Variants in ADAMTS3 observed in about 807,000 individuals in gnomAD.
ADAMTS3 encodes the protein A disintegrin and metalloproteinase with thrombospondin motifs 3.
Under a neutral mutation model 129.0 loss-of-function variants are expected in ADAMTS3, and 73 were observed. The observed-to-expected ratio is 0.57, with a 90% CI of 0.47 to 0.69. The LOEUF is 0.69. Ranked by LOEUF, ADAMTS3 falls within the 30% of genes least tolerant of loss-of-function variation. The pLI, the probability that ADAMTS3 is intolerant of heterozygous loss-of-function variation, is 0.00. For missense variants in ADAMTS3, 1,457 were observed against 1,514.5 expected (o/e 0.96, Z 0.63); for synonymous variants, 477 against 510.8 (o/e 0.93, Z 0.89).
At chr4:72,320,565 T>C in intron 7 of ADAMTS3, 149 bp downstream of exon 7, 1 of 781,772 alleles carries the variant, frequency 1.3e-6, no homozygotes, top group Non-Finnish European at 2.0e-6. Context: ...CATAAGTCAC[T>C]GTAAGCAAAA....
At chr4:72,348,351 T>G (rs530566223) in intron 4 of ADAMTS3, among the ~76,000 whole-genome samples, 1 of 152,006 alleles carries the variant, frequency 6.6e-6, no homozygotes, top group African/African-American at 2.4e-5. Context: ...AGTGATGGAG[T>G]AAGCCACACA....
intron 4 of ADAMTS3, among the ~76,000 whole-genome samples, chr4:72,351,208 A>C (rs1720425668): frequency 6.6e-6 from 1 of 151,974 alleles, no homozygotes; most frequent in African/African-American, 2.4e-5. Context: ...AAGAGAGTAA[A>C]TGCAGTCTCT....
Position 72,323,102 on chromosome 4 carries a change from C to A in ADAMTS3, c.862-5G>T, listed in dbSNP as rs201628279. 1,535 of 1,608,818 alleles carry A rather than the reference C, an allele frequency of 9.5e-4. 20 individuals are homozygous for A. In the South Asian group the frequency reaches 0.011, roughly 12 times the overall value. ...ATCATGGTAAATTTCATTCACCTAGCAACAAAAAAAGATAATTGCTAAAAG... is the reference window on the plus strand; with the variant it reads ...ATCATGGTAAATTTCATTCACCTAGAAACAAAAAAAGATAATTGCTAAAAG... On this transcript the variant is annotated splice_region_variant and splice_polypyrimidine_tract_variant and intron_variant, in intron 5 of 21. Transcript: ENST00000286657.
At chr4:72,337,869 C>T (rs1720029422) in intron 5 of ADAMTS3, among the ~76,000 whole-genome samples, 1 of 152,018 alleles carries the variant, frequency 6.6e-6, no homozygotes, top group South Asian at 2.1e-4. Flanking sequence ...AAGACCATAT[C>T]AAAATCTCTA....
chr4:72,564,127 A>G (rs1394502829), intron 2 of ADAMTS3, among the ~76,000 whole-genome samples: 1 of 152,150 alleles, frequency 6.6e-6, no homozygotes, highest in Non-Finnish European at 1.5e-5. Context: ...TTCCAAGAGG[A>G]ATCAGGAGAT....
At chr4:72,374,464 T>C (rs568270529) in intron 4 of ADAMTS3, among the ~76,000 whole-genome samples, 38 of 152,300 alleles carry the variant, frequency 2.5e-4, no homozygotes, top group African/African-American at 8.9e-4. Context: ...ATGTGAATTA[T>C]TTAAGAATCA....
At chr4:72,535,874 T>A (rs788917) in intron 3 of ADAMTS3, among the ~76,000 whole-genome samples, 49,678 of 151,996 alleles carry the variant, frequency 0.33, 8,658 homozygotes, top group East Asian at 0.45. Flanking sequence ...ACCCTTTACC[T>A]TCTATCCCAA....
At chr4:72,342,497 G>A (rs899826143) in intron 4 of ADAMTS3, among the ~76,000 whole-genome samples, 2 of 151,764 alleles carry the variant, frequency 1.3e-5, no homozygotes, top group African/African-American at 4.8e-5. Context: ...CCGAGTAGCT[G>A]GGATTACAGG....
chr4:72,568,810 A>T lies in ADAMTS3; in HGVS notation c.-48T>A, dbSNP rs768199208. The T allele has an allele frequency of 5.7e-6, 8 of 1,395,976 alleles. No homozygotes were observed. The highest frequency in any genetic ancestry group is 3.8e-5 in the Admixed American group (2 of 52,388). 86.5% of individuals were successfully genotyped at this position (1,395,976 alleles called of 1,614,324 possible). The stretch of plus-strand genomic sequence containing the variant: ...ACTACTGGGCAAAGCAAATGCCCAG[A>T]GCAAACCCACCCCCCCCGCCCAAAA... On this transcript the variant is annotated 5_prime_UTR_variant, in exon 1 of 22. Coordinates refer to ENST00000286657, the MANE Select transcript of ADAMTS3 (RefSeq NM_014243.3).
chr4:72,562,932 T>C (rs1721938110), intron 2 of ADAMTS3, among the ~76,000 whole-genome samples: 1 of 152,156 alleles, frequency 6.6e-6, no homozygotes, highest in South Asian at 2.1e-4. Flanking sequence ...ATATATCCTT[T>C]CCAAGCACAA....
chr4:72,483,501 C>T lies in ADAMTS3; in HGVS notation c.504+64977G>A, dbSNP rs568142494. 1.1e-4 allele frequency among the ~76,000 whole-genome samples: 17 copies of T among 152,252 alleles called. 1 individual carries two copies. In the South Asian group the frequency reaches 3.5e-3, roughly 32 times the overall value. ...TTTCTCTTTTTCCAAAAGAGTGACA[C>T]CCCATCAACAATGAGTTTCAGGAAG... is the stretch of plus-strand genomic sequence containing the variant. On this transcript the variant is annotated intron_variant, in intron 3 of 21. Coordinates refer to ENST00000286657, the MANE Select transcript of ADAMTS3 (RefSeq NM_014243.3).
rs869309365 is a variant in ADAMTS3 at position 72,549,993 on chromosome 4, AG to A, written c.98-1110del. ...GAAGAAGAAGAAGAAGAAGAAGAAG[AG>A]GAAGAGGAAGAAGAAGAAGAAGAAG... is the stretch of plus-strand genomic sequence containing the variant. On this transcript the variant is annotated intron_variant, in intron 2 of 21. Transcript: ENST00000286657. 4.8e-4 allele frequency among the ~76,000 whole-genome samples: 4 copies of A among 8,248 alleles called. 1 individual carries two copies. The highest frequency in any genetic ancestry group is 6.8e-3 in the East Asian group (2 of 292). The allele number at this position is 8,248 out of a possible 152,430, so 5.4% of individuals were successfully genotyped here.
intron 3 of ADAMTS3, among the ~76,000 whole-genome samples, chr4:72,520,831 A>G (rs1421279510): frequency 6.6e-6 from 1 of 151,924 alleles, no homozygotes; most frequent in Non-Finnish European, 1.5e-5. Context: ...CGGCTCGCGC[A>G]TGATGTGCTG....
At chr4:72,498,431 C>T (rs1719924624) in intron 3 of ADAMTS3, among the ~76,000 whole-genome samples, 1 of 151,532 alleles carries the variant, frequency 6.6e-6, no homozygotes, top group African/African-American at 2.4e-5. Context: ...ACTAGAAAAG[C>T]CTGTAAAAAA....
rs11932836 is a variant in ADAMTS3, at chr4:72,305,843, T to C, written c.2260+144A>G. 2.8e-3 allele frequency: 1,981 copies of C among 707,430 alleles called. 40 individuals are homozygous for C. The African/African-American group carries it at 0.033, about 12-fold the overall frequency. The allele number at this position is 707,430 out of a possible 1,614,324, so 43.8% of individuals were successfully genotyped here. A position where few individuals can be genotyped will look rare whatever the true frequency, so the allele number is the denominator to read the frequency against. Reference sequence around the variant, plus strand: ...GTACGCACATATACGTATGCACATGTACGTACATATACGTATGCACATGTA... The same window carrying C: ...GTACGCACATATACGTATGCACATGCACGTACATATACGTATGCACATGTA... On this transcript the variant is annotated intron_variant, in intron 16 of 21. Coordinates refer to ENST00000286657, the MANE Select transcript of ADAMTS3 (RefSeq NM_014243.3).
rs1560460177 is a variant in ADAMTS3, at chr4:72,291,009, T to C, written c.2777A>G (p.Tyr926Cys). ...HCTKTCGSSG[Y>C]QLRTVRCLQP... ...AAGGCAGCGTACAGTGCGAAGCTGATAGCCAGAACTTCCACAGGTTTTGGT... is the reference window on the plus strand; with the variant it reads ...AAGGCAGCGTACAGTGCGAAGCTGACAGCCAGAACTTCCACAGGTTTTGGT... The change falls in exon 20 of 22, where the codon TAT becomes TGT. Residue 926 changes from tyrosine (Y) to cysteine (C), a missense_variant. Coordinates refer to ENST00000286657, the MANE Select transcript of ADAMTS3 (RefSeq NM_014243.3). 2 of 1,613,930 alleles carry C rather than the reference T, an allele frequency of 1.2e-6. No individual in the cohort carries two copies. The highest frequency in any genetic ancestry group is 2.2e-5 in the East Asian group (1 of 44,844).
intron 3 of ADAMTS3, among the ~76,000 whole-genome samples, chr4:72,427,638 C>CA (rs1274710876): frequency 2.6e-5 from 4 of 151,134 alleles, no homozygotes; most frequent in African/African-American, 4.9e-5. Flanking sequence ...AAAACAGAGA[C>CA]AAAAAAAGAA....
At chr4:72,360,321 G>T (rs904312450) in intron 4 of ADAMTS3, among the ~76,000 whole-genome samples, 9 of 151,926 alleles carry the variant, frequency 5.9e-5, no homozygotes, top group Non-Finnish European at 1.2e-4. Flanking sequence ...CTACTGAAAA[G>T]GACACAAATT....
intron 4 of ADAMTS3, among the ~76,000 whole-genome samples, chr4:72,393,561 G>A (rs1400119834): frequency 6.6e-6 from 1 of 152,106 alleles, no homozygotes; most frequent in Non-Finnish European, 1.5e-5. Flanking sequence ...TGCTATCACT[G>A]TCACCAATTT....
Sources: allele counts gnomAD v4.1 joint callset (sites outside exome capture counted in the v4.1 genomes callset), GRCh38; gene constraint gnomAD v4.1.1; transcripts MANE v1.5; gene names NCBI Gene and HGNC (gene_info 2026-07-23, HGNC 2026-07-21).